The following ZNF18 variants were observed in gnomAD, a reference collection of about 807,000 sequenced individuals.
ZNF18 encodes the protein zinc finger protein 18, also known as heart development-specific gene 1 protein.
A neutral mutation model predicts 58.1 loss-of-function variants in ZNF18; 42 were observed. The ratio of observed to expected loss-of-function variants is 0.72; its 90% CI spans 0.56 to 0.93. The LOEUF is 0.93. Ranked by LOEUF, ZNF18 falls within the 40% of genes least tolerant of loss-of-function variation. The probability of loss-of-function intolerance (pLI) is 0.00; values close to 1 mark genes in which losing one functional copy is unlikely to be tolerated. For missense variants in ZNF18, 540 were observed against 644.2 expected (o/e 0.84, Z 1.75); for synonymous variants, 231 against 239.8 (o/e 0.96, Z 0.34).
chr17:12,016,362 CTT>C, the ZNF18 span, among the ~76,000 whole-genome samples: 1 of 151,916 alleles, frequency 6.6e-6, no homozygotes, highest in Non-Finnish European at 1.5e-5. Flanking sequence ...TGGAATCTCC[CTT>C]TGTCTCCCAG....
upstream of ZNF18, among the ~76,000 whole-genome samples, chr17:11,998,822 CTTTTTTTTTTTTT>C (rs71142260): frequency 9.2e-6 from 1 of 108,522 alleles, no homozygotes; most frequent in Non-Finnish European, 1.8e-5. Context: ...AGTTTCTAGT[CTTTTTTTTTTTTT>C]TTTTTTTTTT....
At chr17:11,999,261 G>C (rs1463625473), upstream of ZNF18, among the ~76,000 whole-genome samples, 1 of 152,106 alleles carries the variant, frequency 6.6e-6, no homozygotes, top group Non-Finnish European at 1.5e-5. Context: ...TCTGATGGAA[G>C]GTAAAATTTT....
upstream of ZNF18, among the ~76,000 whole-genome samples, chr17:11,999,646 A>G (rs1287230106): frequency 2.0e-5 from 3 of 152,252 alleles, no homozygotes; most frequent in Non-Finnish European, 4.4e-5. Flanking sequence ...TATATATGCA[A>G]GAATGAACTA....
upstream of ZNF18, among the ~76,000 whole-genome samples, chr17:11,997,833 C>A (rs1968572035): frequency 6.6e-6 from 1 of 152,220 alleles, no homozygotes. Context: ...AGAGCTGCAA[C>A]GCTCTGCCAT....
intron 1 of ZNF18, among the ~76,000 whole-genome samples, chr17:11,994,982 A>C: frequency 6.6e-6 from 1 of 152,306 alleles, no homozygotes; most frequent in East Asian, 1.9e-4. Flanking sequence ...GGAGAAGGAG[A>C]AGGAAGGGTT....
In ZNF18 at chr17:11,978,033, C is replaced by G; in HGVS notation, c.1574G>C (p.Cys525Ser). ...TGEKPYKCSH[C>S]GKSFSWSSSL... ...CGAGCTCCAGCTGAAACTTTTCCCA[C>G]AGTGCGAACATTTATAAGGTTTCTC... is the stretch of plus-strand genomic sequence containing the variant. Residue 525 changes from cysteine (C) to serine (S), a missense_variant, in exon 7 of 7, where the codon TGT (cysteine) becomes TCT (serine). Coordinates refer to ENST00000580306, the MANE Select transcript of ZNF18 (RefSeq NM_001303281.2). 2.5e-6 allele frequency: 4 copies of G among 1,609,172 alleles called. No homozygotes were observed. Among genetic ancestry groups the G allele is most frequent in the Non-Finnish European group, 3.4e-6 (4 of 1,177,662 alleles).
intron 6 of ZNF18, 73 bp from the exon 7 acceptor site, chr17:11,978,817 G>A (rs1967153178): frequency 1.6e-6 from 1 of 644,716 alleles, no homozygotes; most frequent in South Asian, 3.8e-5. Flanking sequence ...TCAAAGAGAG[G>A]GTCATCATAA....
chr17:12,005,456 A>G, the ZNF18 span, among the ~76,000 whole-genome samples: 1 of 152,208 alleles, frequency 6.6e-6, no homozygotes, highest in Non-Finnish European at 1.5e-5. Context: ...GACTCACATC[A>G]GTGACTATGG....
the ZNF18 span, among the ~76,000 whole-genome samples, chr17:12,012,426 G>A: frequency 6.6e-6 from 1 of 152,154 alleles, no homozygotes; most frequent in Non-Finnish European, 1.5e-5. Flanking sequence ...CAGTAACCTT[G>A]GACATATATC....
the ZNF18 span, among the ~76,000 whole-genome samples, chr17:12,006,778 T>C: frequency 6.6e-6 from 1 of 152,090 alleles, no homozygotes; most frequent in African/African-American, 2.4e-5. Flanking sequence ...CATACTGTTT[T>C]TTTTGCCACA....
chr17:11,992,103 T>G (rs1968165625), intron 2 of ZNF18, among the ~76,000 whole-genome samples: 1 of 152,182 alleles, frequency 6.6e-6, no homozygotes, highest in Non-Finnish European at 1.5e-5. Context: ...CTTCCCTGAG[T>G]TCTGTAAGTC....
the ZNF18 span, chr17:12,021,198 T>C: frequency 3.6e-5 from 12 of 332,952 alleles, no homozygotes; most frequent in South Asian, 1.9e-3. Context: ...CCGGCCCGCA[T>C]AGGCCCCGGC....
chr17:11,980,458 T>C (rs1967265458), intron 6 of ZNF18, among the ~76,000 whole-genome samples: 1 of 152,128 alleles, frequency 6.6e-6, no homozygotes, highest in Non-Finnish European at 1.5e-5. Context: ...TTTTGCTCTG[T>C]CACCCAGGCT....
chr17:12,021,136 C>G, the ZNF18 span: 1 of 457,322 alleles, frequency 2.2e-6, no homozygotes, highest in East Asian at 4.1e-5. Flanking sequence ...CTCTCCCTCC[C>G]CGGCTTCCCG....
At chr17:12,014,778 C>T in the ZNF18 span, among the ~76,000 whole-genome samples, 3 of 152,248 alleles carry the variant, frequency 2.0e-5, no homozygotes, top group South Asian at 4.2e-4. Flanking sequence ...TGGCCGGGCG[C>T]GGTGGCTTAC....
Position 11,978,190 on chromosome 17 carries a change from A to C in ZNF18, c.1417T>G (p.Phe473Val). Reference sequence around the variant, plus strand: ...TGGCGCAATCCTGAGAAGTCACTAAAGCCTTTCCCACAGTAATCACATTTA... The same window carrying C: ...TGGCGCAATCCTGAGAAGTCACTAACGCCTTTCCCACAGTAATCACATTTA... ...PCKCDYCGKG[F>V]SDFSGLRHHE... The change falls in exon 7 of 7, where the codon TTT (phenylalanine) becomes GTT (valine). Residue 473 changes from phenylalanine (F) to valine (V), a missense_variant. Physicochemically the swap from Phe to Val is conservative, Grantham distance 50. Transcript: ENST00000580306. 4 of 1,614,042 alleles carry C rather than the reference A, an allele frequency of 2.5e-6. No individual in the cohort carries two copies. The highest frequency in any genetic ancestry group is 3.4e-6 in the Non-Finnish European group (4 of 1,180,002).
At chr17:11,992,298 G>T in intron 2 of ZNF18, 145 bp downstream of exon 2, 1 of 1,063,506 alleles carries the variant, frequency 9.4e-7, no homozygotes, top group Non-Finnish European at 1.3e-6. Flanking sequence ...CTGTACTGGT[G>T]TTAGAGAATC....
chr17:12,000,040 C>A (rs1968629110), upstream of ZNF18, among the ~76,000 whole-genome samples: 1 of 152,146 alleles, frequency 6.6e-6, no homozygotes, highest in Admixed American at 6.5e-5. Context: ...CCTGCCTCAG[C>A]CTCCTGAGTA....
rs781165983 is a variant in ZNF18 at position 11,990,537 on chromosome 17, G to A, written c.591C>T (p.Ser197=). ...GCCTTTCCTCCAGTCGGGCAGGCTGGGAGGCAGCCAGGGCTGAAGTGAGGA... is the reference window on the plus strand; with the variant it reads ...GCCTTTCCTCCAGTCGGGCAGGCTGAGAGGCAGCCAGGGCTGAAGTGAGGA... ...DTEAELALAA[S]QPARLEERLI... is the part of the protein sequence containing the mutation. Residue 197 remains serine, a synonymous_variant, in exon 4 of 7, where the codon TCC becomes TCT. Transcript: ENST00000580306. The A allele has an allele frequency of 6.2e-7, 1 of 1,610,626 alleles. No individual in the cohort carries two copies. The highest frequency in any genetic ancestry group is 8.5e-7 in the Non-Finnish European group (1 of 1,179,038).
Sources: allele counts gnomAD v4.1 joint callset (sites outside exome capture counted in the v4.1 genomes callset), GRCh38; gene constraint gnomAD v4.1.1; transcripts MANE v1.5; gene names NCBI Gene and HGNC (gene_info 2026-07-23, HGNC 2026-07-21).